Variants in FANCC observed in about 807,000 individuals in gnomAD.
FANCC encodes Fanconi anemia group C protein.
In FANCC, 55 loss-of-function variants were observed where a neutral mutation model predicts 71.3. The ratio of observed to expected loss-of-function variants is 0.77; its 90% CI spans 0.62 to 0.97. The LOEUF (loss-of-function observed/expected upper bound fraction) is 0.97, where lower values mean the gene tolerates loss of function less well. Among genes scored for constraint, FANCC ranks in the 50% least tolerant of loss-of-function variants. The pLI, the probability that FANCC is intolerant of heterozygous loss-of-function variation, is 0.00. For synonymous variants in FANCC, 275 were observed against 244.9 expected (o/e 1.12, Z -1.15); for missense variants, 678 against 670.9 (o/e 1.01, Z -0.12).
intron 1 of FANCC, among the ~76,000 whole-genome samples, chr9:95,308,322 GC>G (rs914635088): frequency 2.0e-5 from 3 of 151,246 alleles, no homozygotes; most frequent in African/African-American, 7.3e-5. Context: ...ACAGATCACC[GC>G]TTTTTGTTTG....
intron 1 of FANCC, among the ~76,000 whole-genome samples, chr9:95,253,145 T>C (rs968470553): frequency 1.3e-5 from 2 of 152,216 alleles, no homozygotes; most frequent in African/African-American, 4.8e-5. Context: ...TTAGGAATCA[T>C]GCAGTGCACT....
chr9:95,236,626 TATTA>T (rs1478492212), intron 4 of FANCC, among the ~76,000 whole-genome samples: 4 of 152,348 alleles, frequency 2.6e-5, no homozygotes, highest in Admixed American at 6.5e-5. Flanking sequence ...TTTTCAAATT[TATTA>T]ATTAATTTGA....
At chr9:95,316,977 T>C (rs1245450037) in intron 1 of FANCC, 3 of 152,202 alleles carry the variant, frequency 2.0e-5, no homozygotes, top group South Asian at 4.1e-4. Context: ...CGGGCTCCTC[T>C]AATTGGACCT....
rs1251216536 is a variant in FANCC at position 95,257,210 on chromosome 9, A to T, written c.-78-7841T>A. On this transcript the variant is annotated intron_variant, in intron 1 of 14. Coordinates refer to ENST00000289081, the MANE Select transcript of FANCC (RefSeq NM_000136.3). ...CTAATAGACATCTACAGAACTCTCC[A>T]CCCCAAATCAACAGAATATACATTC... Among the ~76,000 whole-genome samples, 3 of 152,196 alleles carry T rather than the reference A, an allele frequency of 2.0e-5. No individual in the cohort carries two copies. In the East Asian group the frequency reaches 5.8e-4, roughly 29 times the overall value.
At chr9:95,285,101 C>CA (rs1292314520) in intron 1 of FANCC, among the ~76,000 whole-genome samples, 3 of 150,966 alleles carry the variant, frequency 2.0e-5, no homozygotes, top group Non-Finnish European at 4.4e-5. Flanking sequence ...AAGGATTGTG[C>CA]AAAAAAACCA....
At chr9:95,243,749 G>C (rs906245811) in intron 3 of FANCC, among the ~76,000 whole-genome samples, 1 of 152,096 alleles carries the variant, frequency 6.6e-6, no homozygotes, top group Non-Finnish European at 1.5e-5. Context: ...AGCCGAGATC[G>C]CACCACTGCA....
At chr9:95,173,009 A>G (rs1472948863) in intron 4 of FANCC, among the ~76,000 whole-genome samples, 1 of 152,240 alleles carries the variant, frequency 6.6e-6, no homozygotes, top group Non-Finnish European at 1.5e-5. Context: ...AATATACGAC[A>G]AACACTAAGA....
At chr9:95,313,457 G>C (rs920740668) in intron 1 of FANCC, among the ~76,000 whole-genome samples, 2 of 152,232 alleles carry the variant, frequency 1.3e-5, no homozygotes, top group Non-Finnish European at 2.9e-5. Context: ...ACGCATGCGT[G>C]CGCTGGAGAA....
At chr9:95,131,482 C>T (rs1485164450) in intron 8 of FANCC, among the ~76,000 whole-genome samples, 2 of 152,204 alleles carry the variant, frequency 1.3e-5, no homozygotes, top group African/African-American at 2.4e-5. Context: ...CAAGGAAACT[C>T]GCAACGTGGG....
At chr9:95,142,045 T>A (rs1279775902) in intron 7 of FANCC, among the ~76,000 whole-genome samples, 1 of 125,746 alleles carries the variant, frequency 8.0e-6, no homozygotes, top group African/African-American at 3.0e-5. Context: ...CAGGCTGGAG[T>A]GCAATGGCAC....
In FANCC at chr9:95,293,571, A is replaced by G. The variant is rs1180933328; in HGVS notation, c.-79+23955T>C. ...ATGTCAGAAGAACGGCATTTCTTCA[A>G]TCAACGTGCAGACAGATCTGTCTTA... On this transcript the variant is annotated intron_variant, in intron 1 of 14. Coordinates refer to ENST00000289081, the MANE Select transcript of FANCC (RefSeq NM_000136.3). 9.2e-5 allele frequency: 148 copies of G among 1,613,776 alleles called. 1 individual carries two copies. In the Admixed American group the frequency reaches 1.2e-3, roughly 13 times the overall value.
At chr9:95,292,931 C>T (rs1427951368) in intron 1 of FANCC, 30 of 1,580,382 alleles carry the variant, frequency 1.9e-5, no homozygotes, top group Non-Finnish European at 2.3e-5. Flanking sequence ...GCTGTCCCTA[C>T]GCCAGTAGAA....
chr9:95,214,196 G>A (rs1005540295), intron 4 of FANCC, among the ~76,000 whole-genome samples: 3 of 152,194 alleles, frequency 2.0e-5, no homozygotes, highest in Non-Finnish European at 4.4e-5. Context: ...GGGAGGCCGA[G>A]GCAGGAGGAC....
chr9:95,127,480 G>A (rs1188541158), intron 8 of FANCC: 3 of 152,292 alleles, frequency 2.0e-5, no homozygotes, highest in Non-Finnish European at 4.4e-5. Flanking sequence ...CCCGATTCCA[G>A]GCATGCGCAG....
intron 1 of FANCC, among the ~76,000 whole-genome samples, chr9:95,298,429 G>C (rs750325437): frequency 2.0e-5 from 3 of 152,166 alleles, no homozygotes; most frequent in African/African-American, 4.8e-5. Context: ...GGGTATGTGA[G>C]GAAGAGGTTA....
At chr9:95,254,268 TA>T (rs1831522672) in intron 1 of FANCC, among the ~76,000 whole-genome samples, 2 of 152,236 alleles carry the variant, frequency 1.3e-5, no homozygotes, top group Non-Finnish European at 2.9e-5. Context: ...AAATAGTTTT[TA>T]AAACCTCCAC....
At chr9:95,175,355 T>C (rs1234626482) in intron 4 of FANCC, among the ~76,000 whole-genome samples, 2 of 152,010 alleles carry the variant, frequency 1.3e-5, no homozygotes, top group African/African-American at 2.4e-5. Flanking sequence ...TACAAAAAAA[T>C]GAATCCACTG....
intron 7 of FANCC, among the ~76,000 whole-genome samples, chr9:95,139,717 C>T (rs904958783): frequency 1.1e-4 from 16 of 151,212 alleles, no homozygotes; most frequent in Non-Finnish European, 2.4e-4. Flanking sequence ...TTATGTTTAA[C>T]AAGCATAAGG....
intron 1 of FANCC, among the ~76,000 whole-genome samples, chr9:95,254,665 C>G (rs925629680): frequency 6.6e-6 from 1 of 152,234 alleles, no homozygotes; most frequent in Admixed American, 6.5e-5. Context: ...TTTGGGCAGA[C>G]ACCGAGCTAG....
Sources: allele counts gnomAD v4.1 joint callset (sites outside exome capture counted in the v4.1 genomes callset), GRCh38; gene constraint gnomAD v4.1.1; transcripts MANE v1.5; gene names NCBI Gene and HGNC (gene_info 2026-07-23, HGNC 2026-07-21).